The following ADAMTS6 variants were observed in gnomAD, a reference collection of about 807,000 sequenced individuals.
ADAMTS6 encodes the protein ADAM metallopeptidase with thrombospondin type 1 motif 6.
A neutral mutation model predicts 144.3 loss-of-function variants in ADAMTS6; 23 were observed. That is an observed-to-expected ratio of 0.16 (90% CI 0.11 to 0.23). ADAMTS6 has a LOEUF of 0.23. Ranked by LOEUF, ADAMTS6 falls within the 10% of genes least tolerant of loss-of-function variation. ADAMTS6 has a pLI of 1.00. For missense variants in ADAMTS6, 999 were observed against 1,379.6 expected (o/e 0.72, Z 4.37); for synonymous variants, 444 against 457.5 (o/e 0.97, Z 0.38).
chr5:65,388,721 A>C (rs1752669907), intron 7 of ADAMTS6, among the ~76,000 whole-genome samples: 1 of 152,222 alleles, frequency 6.6e-6, no homozygotes, highest in Admixed American at 6.5e-5. Flanking sequence ...AAAAACAAAC[A>C]TAATGTGAAC....
At chr5:65,315,969 T>A (rs1029696963) in intron 9 of ADAMTS6, among the ~76,000 whole-genome samples, 1 of 152,192 alleles carries the variant, frequency 6.6e-6, no homozygotes, top group African/African-American at 2.4e-5. Context: ...TGGAGTGCAG[T>A]AGCGCAAGCT....
chr5:65,215,594 G>A (rs186887369), intron 18 of ADAMTS6, 107 bp from the exon 19 acceptor site: 345 of 950,774 alleles, frequency 3.6e-4, no homozygotes, highest in Non-Finnish European at 4.9e-4. Flanking sequence ...TTTCCATTTA[G>A]AGATGTGACT....
chr5:65,470,731 A>C (rs996185182), intron 3 of ADAMTS6, 47 bp downstream of exon 3: 4 of 1,493,436 alleles, frequency 2.7e-6, no homozygotes, highest in Non-Finnish European at 3.5e-6. Flanking sequence ...TACATTGCAA[A>C]ATTCTTATTT....
intron 7 of ADAMTS6, among the ~76,000 whole-genome samples, chr5:65,377,233 G>T (rs147314361): frequency 6.6e-6 from 1 of 152,284 alleles, no homozygotes; most frequent in East Asian, 1.9e-4. Flanking sequence ...TCTTACTACA[G>T]TGGGTCCTCA....
At chr5:65,264,417 T>G (rs567714130) in intron 12 of ADAMTS6, among the ~76,000 whole-genome samples, 1 of 152,242 alleles carries the variant, frequency 6.6e-6, no homozygotes, top group Non-Finnish European at 1.5e-5. Flanking sequence ...TGTTCCCAAT[T>G]CCTTCTACTG....
intron 22 of ADAMTS6, among the ~76,000 whole-genome samples, chr5:65,182,395 G>T (rs1191212882): frequency 7.1e-6 from 1 of 140,428 alleles, no homozygotes; most frequent in African/African-American, 2.7e-5. Flanking sequence ...AGTGAATCGA[G>T]ACCGTGCCAC....
chr5:65,250,820 G>A (rs1157906510), intron 14 of ADAMTS6, among the ~76,000 whole-genome samples: 1 of 152,142 alleles, frequency 6.6e-6, no homozygotes, highest in East Asian at 1.9e-4. Context: ...TAGAAATATG[G>A]AAAAGTCCTT....
At chr5:65,396,924 T>C (rs916351059) in intron 7 of ADAMTS6, among the ~76,000 whole-genome samples, 5 of 152,224 alleles carry the variant, frequency 3.3e-5, no homozygotes, top group African/African-American at 9.7e-5. Context: ...ATAATTTCTT[T>C]TGTAAATATT....
intron 7 of ADAMTS6, among the ~76,000 whole-genome samples, chr5:65,391,431 C>T (rs971910100): frequency 3.3e-5 from 5 of 151,908 alleles, no homozygotes; most frequent in Admixed American, 3.3e-4. Flanking sequence ...CACACACACA[C>T]ACACACACAC....
At chr5:65,174,046 C>T (rs1035230848) in intron 22 of ADAMTS6, among the ~76,000 whole-genome samples, 21 of 151,530 alleles carry the variant, frequency 1.4e-4, no homozygotes, top group African/African-American at 5.1e-4. Flanking sequence ...TCTATACTTC[C>T]TTCCCCTCAA....
chr5:65,282,271 A>T (rs1168567677), intron 11 of ADAMTS6, among the ~76,000 whole-genome samples: 1 of 152,106 alleles, frequency 6.6e-6, no homozygotes, highest in East Asian at 1.9e-4. Context: ...TCCAGGTCAT[A>T]GATGGAGTAG....
intron 9 of ADAMTS6, among the ~76,000 whole-genome samples, chr5:65,300,753 T>G (rs1743286938): frequency 6.6e-6 from 1 of 151,962 alleles, no homozygotes; most frequent in Non-Finnish European, 1.5e-5. Context: ...TGCCTCATCC[T>G]CCCGAGTAGC....
intron 14 of ADAMTS6, among the ~76,000 whole-genome samples, chr5:65,248,483 C>T (rs1759835996): frequency 6.6e-6 from 1 of 152,078 alleles, no homozygotes; most frequent in Non-Finnish European, 1.5e-5. Context: ...TACAGCAAAA[C>T]TCTTTCCCTG....
In ADAMTS6 at chr5:65,188,227, C is replaced by A. The variant is rs1198020303; in HGVS notation, c.2706-7G>T. ...CCAATCCCCAATGAACCACCTGCAG[C>A]AAGACATGGAAGAAACACAGAAAAG... On this transcript the variant is annotated splice_polypyrimidine_tract_variant and splice_region_variant and intron_variant, in intron 21 of 24. Coordinates refer to ENST00000381055, the MANE Select transcript of ADAMTS6 (RefSeq NM_197941.4). 2 of 1,612,812 alleles carry A rather than the reference C, an allele frequency of 1.2e-6. No individual in the cohort carries two copies. Among genetic ancestry groups the A allele is most frequent in the African/African-American group, 1.3e-5 (1 of 74,862 alleles).
chr5:65,382,651 C>T (rs1266061800), intron 7 of ADAMTS6, among the ~76,000 whole-genome samples: 1 of 152,216 alleles, frequency 6.6e-6, no homozygotes, highest in East Asian at 1.9e-4. Context: ...TTTTGCCTTC[C>T]TCCTGCCACA....
chr5:65,473,634 G>A lies in ADAMTS6; in HGVS notation c.40C>T (p.Leu14Phe), dbSNP rs1760636630. ...TGAAATTCCGATGAAGCCATGATGA[G>A]GCTCAAAATCCAGGTCAACGTCTTC... ...LWKTLTWILS[L>F]IMASSEFHSD... The change falls in exon 2 of 25, where the codon CTC becomes TTC. Residue 14 changes from leucine to phenylalanine, a missense_variant. Physicochemically the swap from Leu to Phe is conservative, Grantham distance 22. This residue lies in a region of ADAMTS6 where 252 missense variants were observed against 293.7 expected (regional missense o/e 0.86). Coordinates refer to ENST00000381055, the MANE Select transcript of ADAMTS6 (RefSeq NM_197941.4). 8 of 1,613,632 alleles carry A rather than the reference G, an allele frequency of 5.0e-6. No homozygotes were observed. Among genetic ancestry groups the A allele is most frequent in the East Asian group, 2.2e-5 (1 of 44,862 alleles).
intron 15 of ADAMTS6, among the ~76,000 whole-genome samples, chr5:65,240,757 AT>A (rs1445913615): frequency 1.3e-5 from 2 of 152,156 alleles, no homozygotes; most frequent in Admixed American, 1.3e-4. Flanking sequence ...ATAAATTTCT[AT>A]TTTAAGATCT....
intron 7 of ADAMTS6, among the ~76,000 whole-genome samples, chr5:65,397,461 C>G (rs1381798997): frequency 6.7e-6 from 1 of 148,612 alleles, no homozygotes; most frequent in African/African-American, 2.5e-5. Context: ...ATAAATTTCC[C>G]TCTATGCACT....
chr5:65,297,889 G>T (rs2112789199), intron 10 of ADAMTS6, among the ~76,000 whole-genome samples: 1 of 152,222 alleles, frequency 6.6e-6, no homozygotes, highest in African/African-American at 2.4e-5. Flanking sequence ...AACTTTGTGA[G>T]CATTCCCATG....
Sources: allele counts gnomAD v4.1 joint callset (sites outside exome capture counted in the v4.1 genomes callset), GRCh38; gene constraint gnomAD v4.1.1; regional missense constraint gnomAD v4.1.1; transcripts MANE v1.5; gene names NCBI Gene and HGNC (gene_info 2026-07-23, HGNC 2026-07-21).